Variants in PCDHGB5 observed in about 807,000 individuals in gnomAD.
The protein encoded by PCDHGB5 is protocadherin gamma-B5.
PCDHGB5 carries 48 observed loss-of-function variants against 62.9 expected under a neutral mutation model. That is an observed-to-expected ratio of 0.76 (90% CI 0.61 to 0.97). The LOEUF (loss-of-function observed/expected upper bound fraction) is 0.97. PCDHGB5 is among the 50% of genes least tolerant of loss of function. The pLI is 0.00. For synonymous variants in PCDHGB5, 474 were observed against 511.2 expected (o/e 0.93, Z 0.98); for missense variants, 1,118 against 1,198.6 (o/e 0.93, Z 0.99).
chr5:141,408,158 T>G lies in PCDHGB5; in HGVS notation c.2397+7634T>G, dbSNP rs1190245850. On this transcript the variant is annotated intron_variant, in intron 1 of 3. Coordinates refer to ENST00000617380, the MANE Select transcript of PCDHGB5 (RefSeq NM_018925.3). ...TCTTTTAGCGCGGTAGAGTGCACTTTCTCCAACTGGAAAAGCGGGGACCCA... is the reference window on the plus strand; with the variant it reads ...TCTTTTAGCGCGGTAGAGTGCACTTGCTCCAACTGGAAAAGCGGGGACCCA... The G allele has an allele frequency of 2.0e-6, 3 of 1,515,140 alleles. No individual in the cohort carries two copies. In the Admixed American group the frequency reaches 6.4e-5, roughly 32 times the overall value. The allele number at this position is 1,515,140 out of a possible 1,614,324, so 93.9% of individuals were successfully genotyped here.
chr5:141,422,414 A>G (rs2096646645), intron 1 of PCDHGB5: 1 of 1,604,894 alleles, frequency 6.2e-7, no homozygotes, highest in Admixed American at 1.7e-5. Context: ...TTTAAATTAG[A>G]AAAGACTTAT....
At chr5:141,504,511 CTCTGATAT>C (rs2099838890) in intron 2 of PCDHGB5, among the ~76,000 whole-genome samples, 1 of 151,902 alleles carries the variant, frequency 6.6e-6, no homozygotes, top group Non-Finnish European at 1.5e-5. Flanking sequence ...AGTGGATCTC[CTCTGATAT>C]ATTTTATTCG....
intron 1 of PCDHGB5, chr5:141,409,838 G>T: frequency 6.2e-7 from 1 of 1,611,532 alleles, no homozygotes; most frequent in Non-Finnish European, 8.5e-7. Context: ...CAGCGCCAAC[G>T]TGAGCCTGCG....
chr5:141,410,730 C>CT (rs1191642079), intron 1 of PCDHGB5: 2 of 1,347,822 alleles, frequency 1.5e-6, no homozygotes, highest in Admixed American at 2.5e-5. Context: ...AAATCCATAG[C>CT]TTTTTACAAT....
intron 2 of PCDHGB5, among the ~76,000 whole-genome samples, chr5:141,497,212 G>A (rs968445663): frequency 6.6e-6 from 1 of 150,900 alleles, no homozygotes; most frequent in Non-Finnish European, 1.5e-5. Flanking sequence ...AGTGTAATGG[G>A]GGGGGGAAGA....
intron 1 of PCDHGB5, among the ~76,000 whole-genome samples, chr5:141,435,568 A>C (rs564789030): frequency 8.7e-4 from 132 of 152,274 alleles, no homozygotes; most frequent in Middle Eastern, 6.8e-3. Context: ...TTTTTTTAGT[A>C]CTGGGGCAAA....
intron 1 of PCDHGB5, chr5:141,409,471 A>G (rs2095271616): frequency 1.2e-6 from 2 of 1,613,860 alleles, no homozygotes; most frequent in Non-Finnish European, 1.7e-6. Flanking sequence ...TCACCATCGT[A>G]GCCACTGACA....
intron 1 of PCDHGB5, chr5:141,415,504 C>G (rs1444248720): frequency 1.2e-6 from 2 of 1,614,216 alleles, no homozygotes; most frequent in South Asian, 2.2e-5. Flanking sequence ...CTTCCCCCAG[C>G]CCAATTATGC....
intron 1 of PCDHGB5, among the ~76,000 whole-genome samples, chr5:141,452,072 G>A (rs550370876): frequency 1.3e-5 from 2 of 152,272 alleles, no homozygotes; most frequent in East Asian, 1.9e-4. Flanking sequence ...ACTTTTATTA[G>A]TTGGCATTAT....
Position 141,494,824 on chromosome 5 carries a change from G to A in PCDHGB5, c.2415G>A (p.Thr805=), listed in dbSNP as rs1423741889. The A allele has an allele frequency of 1.8e-5, 29 of 1,613,924 alleles. No homozygotes were observed. Among genetic ancestry groups the A allele is most frequent in the Non-Finnish European group, 2.4e-5 (28 of 1,180,032 alleles). Residue 805 remains threonine (T), a synonymous_variant, in exon 2 of 4, where the codon ACG becomes ACA. Transcript: ENST00000617380. The part of the protein sequence containing the change: ...SHPELQAPPN[T]DWRFSQAQRP... ...CTCCACAGCAAGCCCCGCCCAACAC[G>A]GACTGGCGTTTCTCTCAGGCCCAGA...
In PCDHGB5 at chr5:141,489,483, T is replaced by C. The variant is rs2099687756; in HGVS notation, c.2398-5324T>C. ...GCTATTTTTCCCTGAGCTTGATGAGTGGTGCCCTGGCAGTGAATCAAAAGA... is the reference window on the plus strand; with the variant it reads ...GCTATTTTTCCCTGAGCTTGATGAGCGGTGCCCTGGCAGTGAATCAAAAGA... On this transcript the variant is annotated intron_variant, in intron 1 of 3. Coordinates refer to ENST00000617380, the MANE Select transcript of PCDHGB5 (RefSeq NM_018925.3). This position sits in a 1 kb window ranked among gnomAD's most constrained non-coding sequence, Gnocchi z 4.5. 1 of 1,613,862 alleles carries C rather than the reference T, an allele frequency of 6.2e-7. No individual in the cohort carries two copies. The highest frequency in any genetic ancestry group is 1.1e-5 in the South Asian group (1 of 91,078).
At chr5:141,409,172 G>A in intron 1 of PCDHGB5, 8 of 1,614,006 alleles carry the variant, frequency 5.0e-6, no homozygotes, top group Non-Finnish European at 6.8e-6. Context: ...AGCGAAGGAC[G>A]GAGGTGGTCT....
intron 1 of PCDHGB5, among the ~76,000 whole-genome samples, chr5:141,494,113 C>G (rs2099751999): frequency 6.6e-6 from 1 of 152,214 alleles, no homozygotes; most frequent in Non-Finnish European, 1.5e-5. Flanking sequence ...TCAGACAGAG[C>G]AGCCTTGTTC....
At chr5:141,413,450 G>T (rs2095642221) in intron 1 of PCDHGB5, 1 of 1,614,148 alleles carries the variant, frequency 6.2e-7, no homozygotes, top group Non-Finnish European at 8.5e-7. Context: ...ATCACCGCGG[G>T]CAGGATAGAC....
intron 1 of PCDHGB5, among the ~76,000 whole-genome samples, chr5:141,468,089 T>C (rs1349447353): frequency 6.6e-6 from 1 of 151,010 alleles, no homozygotes; most frequent in Non-Finnish European, 1.5e-5. Context: ...CTTTGGGAGG[T>C]TGAGGCAGGC....
chr5:141,428,065 C>T lies in PCDHGB5; in HGVS notation c.2397+27541C>T, dbSNP rs1028782772. 6 of 1,609,086 alleles carry T rather than the reference C, an allele frequency of 3.7e-6. No individual in the cohort carries two copies. The African/African-American group carries it at 6.7e-5, about 18-fold the overall frequency. ...GTGACCAAGGTGGTGGCGGTGGACGCAGATTCGGGACACAACGCTTGGCTG... is the reference window on the plus strand; with the variant it reads ...GTGACCAAGGTGGTGGCGGTGGACGTAGATTCGGGACACAACGCTTGGCTG... On this transcript the variant is annotated intron_variant, in intron 1 of 3. Coordinates refer to ENST00000617380, the MANE Select transcript of PCDHGB5 (RefSeq NM_018925.3).
Position 141,489,316 on chromosome 5 carries a change from T to C in PCDHGB5, c.2398-5491T>C, listed in dbSNP as rs2099685399. On this transcript the variant is annotated intron_variant, in intron 1 of 3. Transcript: ENST00000617380. This position sits in a 1 kb window ranked among gnomAD's most constrained non-coding sequence, Gnocchi z 4.5. The stretch of plus-strand genomic sequence containing the variant: ...CATGTTGTCCTTGTGCTGCTGGGGC[T>C]GGGTGTCTGGGCAGCTTCGTTACTC... The C allele has an allele frequency of 1.3e-6, 2 of 1,597,946 alleles. No individual in the cohort carries two copies. Among genetic ancestry groups the C allele is most frequent in the Admixed American group, 1.7e-5 (1 of 58,864 alleles).
At chr5:141,408,097 C>T (rs2095040197) in intron 1 of PCDHGB5, 5 of 1,434,516 alleles carry the variant, frequency 3.5e-6, no homozygotes, top group Non-Finnish European at 3.7e-6. Context: ...TTGCCAGCTC[C>T]GAGACCCGGG....
At chr5:141,466,983 C>A (rs2099133398) in intron 1 of PCDHGB5, among the ~76,000 whole-genome samples, 1 of 151,884 alleles carries the variant, frequency 6.6e-6, no homozygotes, top group African/African-American at 2.4e-5. Context: ...TCATCATTTA[C>A]CTTTTGGCAT....
Sources: gnomAD v4.1 joint callset for allele counts (sites outside exome capture counted in the v4.1 genomes callset) on GRCh38, gnomAD v4.1.1 for gene constraint, Gnocchi (gnomAD v3.1) non-coding constraint, MANE v1.5 for transcripts, NCBI Gene and HGNC (gene_info 2026-07-23, HGNC 2026-07-21) for gene names.